PVT1: variants seen among roughly 807,000 people sequenced by gnomAD.
The protein encoded by PVT1 is CXCR4/PVT1 fusion.
At chr8:127,966,911 C>G (rs1361906394) in intron 3 of PVT1, among the ~76,000 whole-genome samples, 1 of 152,088 alleles carries the variant, frequency 6.6e-6, no homozygotes, top group African/African-American at 2.4e-5. Flanking sequence ...CCTTGATGTG[C>G]CGAGACTCCA....
chr8:127,926,960 C>G (rs892846070), intron 3 of PVT1, among the ~76,000 whole-genome samples: 4 of 152,210 alleles, frequency 2.6e-5, no homozygotes, highest in African/African-American at 7.2e-5. Flanking sequence ...CACTGTTCCC[C>G]CCTTCCTTCC....
At chr8:127,961,610 C>T (rs540897366) in intron 3 of PVT1, among the ~76,000 whole-genome samples, 1 of 152,296 alleles carries the variant, frequency 6.6e-6, no homozygotes, top group South Asian at 2.1e-4. Context: ...CAGCAAGCTG[C>T]CTTGAAGACT....
intron 5 of PVT1, among the ~76,000 whole-genome samples, chr8:128,086,112 C>G (rs942111800): frequency 6.6e-6 from 1 of 152,172 alleles, no homozygotes; most frequent in South Asian, 2.1e-4. Context: ...GGCTGTGAGT[C>G]GATAAGTTGT....
chr8:128,002,245 CA>C (rs1324479985), intron 4 of PVT1, among the ~76,000 whole-genome samples: 5 of 152,196 alleles, frequency 3.3e-5, no homozygotes, highest in African/African-American at 9.6e-5. Context: ...TCCCCATGGC[CA>C]GGGGCCCACC....
chr8:128,071,600 G>A (rs1003664715), intron 5 of PVT1, among the ~76,000 whole-genome samples: 4 of 151,794 alleles, frequency 2.6e-5, no homozygotes, highest in South Asian at 2.1e-4. Context: ...TGGGAGGATC[G>A]CTTGAGCCCA....
At chr8:128,044,257 C>T (rs2720706) in intron 4 of PVT1, among the ~76,000 whole-genome samples, 4,457 of 151,866 alleles carry the variant, frequency 0.029, 194 homozygotes, top group African/African-American at 0.094. Context: ...ACCATAGCAC[C>T]TATCATCATC....
At chr8:127,993,948 T>A (rs1361622843) in intron 4 of PVT1, among the ~76,000 whole-genome samples, 1 of 152,192 alleles carries the variant, frequency 6.6e-6, no homozygotes, top group Non-Finnish European at 1.5e-5. Context: ...GCTTCATGGA[T>A]GCCAGAATTT....
In PVT1 at chr8:127,898,324, TAAAGAAAGA is replaced by T. The variant is rs899530045; in HGVS notation, n.782+7335_782+7343del. 3.1e-4 allele frequency among the ~76,000 whole-genome samples: 47 copies of T among 152,062 alleles called. No individual in the cohort carries two copies. The highest frequency in any genetic ancestry group is 1.1e-3 in the African/African-American group (47 of 41,534). On this transcript the variant is annotated intron_variant and non_coding_transcript_variant, in intron 3 of 10. Coordinates refer to ENST00000651587, the Ensembl canonical transcript of PVT1. The surrounding 1 kb of genome is among the most constrained non-coding windows in gnomAD (Gnocchi z 4.4). ...AATAATGTAAAGAAAGAAAATAATGTAAAGAAAGAAAAGAAAGGAAAGAAAGATTCATTA... is the reference window on the plus strand; with the variant it reads ...AATAATGTAAAGAAAGAAAATAATGTAAAGAAAGGAAAGAAAGATTCATTA...
At chr8:128,005,820 A>G (rs930011) in intron 4 of PVT1, among the ~76,000 whole-genome samples, 97,679 of 151,390 alleles carry the variant, frequency 0.65, 31,884 homozygotes, top group African/African-American at 0.73. Context: ...AAGACGTTTC[A>G]AGGCCAGGTG....
intron 5 of PVT1, among the ~76,000 whole-genome samples, chr8:128,077,678 C>A (rs1814109490): frequency 6.6e-6 from 1 of 152,144 alleles, no homozygotes; most frequent in African/African-American, 2.4e-5. Context: ...TTCCATTTAT[C>A]AAGCCTCTCT....
At chr8:127,955,006 T>C (rs1816552700) in intron 3 of PVT1, among the ~76,000 whole-genome samples, 1 of 152,242 alleles carries the variant, frequency 6.6e-6, no homozygotes, top group Non-Finnish European at 1.5e-5. Context: ...ATACTATGTG[T>C]TATGGGCTGA....
intron 2 of PVT1, among the ~76,000 whole-genome samples, chr8:127,817,343 TG>T (rs1324377875): frequency 6.9e-6 from 1 of 145,290 alleles, no homozygotes; most frequent in Non-Finnish European, 1.5e-5. Context: ...GTCTGTGAAT[TG>T]AGTCTGTTAC....
chr8:127,796,302 G>A (rs371488638), intron 2 of PVT1, among the ~76,000 whole-genome samples: 1 of 151,466 alleles, frequency 6.6e-6, no homozygotes, highest in Non-Finnish European at 1.5e-5. Flanking sequence ...ACCTTCCCCC[G>A]CCCCTCGCCA....
At chr8:128,058,492 T>C (rs149776412) in intron 4 of PVT1, among the ~76,000 whole-genome samples, 2,427 of 152,188 alleles carry the variant, frequency 0.016, 27 homozygotes, top group Middle Eastern at 0.071. Flanking sequence ...GACATCATCA[T>C]GTGTACTTCT....
chr8:127,809,134 A>G (rs562408977), intron 2 of PVT1, among the ~76,000 whole-genome samples: 7 of 152,078 alleles, frequency 4.6e-5, no homozygotes, highest in African/African-American at 1.4e-4. Flanking sequence ...GAGACCTTCC[A>G]AACTGTGCTC....
intron 2 of PVT1, chr8:127,803,288 C>A (rs1182733996): frequency 6.6e-6 from 1 of 151,918 alleles, no homozygotes; most frequent in South Asian, 2.1e-4. Context: ...GCCCACCACG[C>A]CCGGCTAAGT....
intron 3 of PVT1, among the ~76,000 whole-genome samples, chr8:127,982,023 T>G (rs1563656483): frequency 6.6e-6 from 1 of 152,162 alleles, no homozygotes; most frequent in Non-Finnish European, 1.5e-5. Flanking sequence ...GGCGCTAGAC[T>G]TCCTTCCTTC....
intron 4 of PVT1, among the ~76,000 whole-genome samples, chr8:128,023,320 C>T (rs1214641790): frequency 6.6e-6 from 1 of 152,092 alleles, no homozygotes; most frequent in Non-Finnish European, 1.5e-5. Flanking sequence ...CAGTTGACAC[C>T]AACCTAGATC....
intron 3 of PVT1, among the ~76,000 whole-genome samples, chr8:127,975,307 C>T (rs1265985745): frequency 6.6e-6 from 1 of 152,200 alleles, no homozygotes; most frequent in Admixed American, 6.5e-5. Context: ...ACAACCTCAT[C>T]AACACTGGGT....
Sources: allele counts gnomAD v4.1 joint callset (sites outside exome capture counted in the v4.1 genomes callset), GRCh38; gene constraint gnomAD v4.1.1; non-coding constraint Gnocchi (gnomAD v3.1); transcripts MANE v1.5; gene names NCBI Gene and HGNC (gene_info 2026-07-23, HGNC 2026-07-21).